MEI4: variants seen among roughly 807,000 people sequenced by gnomAD.
MEI4 encodes meiotic double-stranded break formation protein 4.
In MEI4, 27 loss-of-function variants were observed where a neutral mutation model predicts 31.4. The ratio of observed to expected loss-of-function variants is 0.86; its 90% CI spans 0.63 to 1.19. MEI4 has a LOEUF of 1.19. Ranked by LOEUF, MEI4 falls within the 50% of genes most tolerant of loss-of-function variation. MEI4 has a pLI of 0.00. For missense variants in MEI4, 329 were observed against 398.9 expected, an observed-to-expected ratio of 0.82 and a Z score of 1.49; for synonymous variants, 122 against 145.4, an observed-to-expected ratio of 0.84 and a Z score of 1.16.
In MEI4 at chr6:77,864,992, A is replaced by T. The variant is rs1770979448; in HGVS notation, c.900+35930A>T. Among the ~76,000 whole-genome samples, 5 of 152,240 alleles carry T rather than the reference A, an allele frequency of 3.3e-5. No individual in the cohort carries two copies. In the South Asian group the frequency reaches 1.0e-3, roughly 31 times the overall value. On this transcript the variant is annotated intron_variant, in intron 4 of 4. Coordinates refer to ENST00000684080, the MANE Select transcript of MEI4 (RefSeq NM_001322247.2). ...GCTCCTGAATGACTACTGGGTACAT[A>T]ATGAAATGAAGGCAGAAGTAAATAT...
chr6:77,788,482 T>A (rs1463357611), intron 3 of MEI4, among the ~76,000 whole-genome samples: 54 of 152,178 alleles, frequency 3.5e-4, no homozygotes, highest in Non-Finnish European at 4.3e-4. Context: ...TGCAGATTAC[T>A]TGATTGTATA....
At chr6:77,906,603 G>C (rs997883702) in intron 4 of MEI4, among the ~76,000 whole-genome samples, 4 of 152,218 alleles carry the variant, frequency 2.6e-5, no homozygotes, top group Middle Eastern at 6.8e-3. Context: ...ATCCATTTTG[G>C]CATTGGGTTA....
chr6:77,915,128 C>A (rs148404805), intron 4 of MEI4, among the ~76,000 whole-genome samples: 3 of 151,702 alleles, frequency 2.0e-5, no homozygotes, highest in African/African-American at 7.3e-5. Flanking sequence ...TGTGTCTTTC[C>A]TTCCTTTCCT....
chr6:77,842,815 A>G (rs1770397438), intron 4 of MEI4, among the ~76,000 whole-genome samples: 1 of 152,106 alleles, frequency 6.6e-6, no homozygotes, highest in Admixed American at 6.6e-5. Flanking sequence ...CATAAATACA[A>G]CAAATTAGAT....
At chr6:77,697,655 T>G (rs2127654872) in intron 2 of MEI4, among the ~76,000 whole-genome samples, 1 of 152,264 alleles carries the variant, frequency 6.6e-6, no homozygotes, top group Non-Finnish European at 1.5e-5. Context: ...TTTCTGATCT[T>G]TTACATTTGC....
chr6:77,741,810 C>A (rs1767413004), intron 2 of MEI4, among the ~76,000 whole-genome samples: 1 of 139,924 alleles, frequency 7.1e-6, no homozygotes, highest in Non-Finnish European at 1.5e-5. Flanking sequence ...TGATGTTCCC[C>A]TTCCTGTGTC....
chr6:77,905,892 T>C (rs1299961663), intron 4 of MEI4, among the ~76,000 whole-genome samples: 1 of 151,748 alleles, frequency 6.6e-6, no homozygotes, highest in South Asian at 2.1e-4. Flanking sequence ...TTTCATTTTG[T>C]TCCATAAATT....
At chr6:77,651,014 C>T (rs1449687377), upstream of MEI4, among the ~76,000 whole-genome samples, 1 of 152,116 alleles carries the variant, frequency 6.6e-6, no homozygotes, top group Admixed American at 6.5e-5. Flanking sequence ...GTGGGACAGA[C>T]GTGGTCTTTT....
At chr6:77,826,971 T>C (rs1407250410) in intron 3 of MEI4, among the ~76,000 whole-genome samples, 1 of 152,132 alleles carries the variant, frequency 6.6e-6, no homozygotes, top group Non-Finnish European at 1.5e-5. Flanking sequence ...TAGGTAAACA[T>C]ATAGGTCAAA....
rs562207281 is a variant in MEI4, at chr6:77,902,816, G to T, written c.901-20273G>T. 2.0e-5 allele frequency among the ~76,000 whole-genome samples: 3 copies of T among 152,158 alleles called. No individual in the cohort carries two copies. The South Asian group carries it at 6.2e-4, about 32-fold the overall frequency. On this transcript the variant is annotated intron_variant, in intron 4 of 4. Transcript: ENST00000684080. ...TCAAGTATCACCTTTGCTTCAAGTT[G>T]TCCCGCCTCATCATGCATATGTTGA...
chr6:77,781,453 G>A (rs779181556), intron 3 of MEI4, among the ~76,000 whole-genome samples: 3 of 152,090 alleles, frequency 2.0e-5, no homozygotes, highest in Non-Finnish European at 4.4e-5. Context: ...AACGAACCAT[G>A]TTGGTATTAC....
chr6:77,863,086 A>G (rs1429843112), intron 4 of MEI4, among the ~76,000 whole-genome samples: 1 of 111,078 alleles, frequency 9.0e-6, no homozygotes, highest in African/African-American at 4.8e-5. Context: ...CATCACCATC[A>G]TCAAACACCA....
intron 2 of MEI4, among the ~76,000 whole-genome samples, chr6:77,705,484 G>A (rs1365650580): frequency 6.6e-6 from 1 of 152,164 alleles, no homozygotes; most frequent in Non-Finnish European, 1.5e-5. Context: ...TATATTCTGA[G>A]TCACACTGAA....
chr6:77,889,578 G>T (rs779941476), intron 4 of MEI4, among the ~76,000 whole-genome samples: 8 of 152,154 alleles, frequency 5.3e-5, no homozygotes, highest in African/African-American at 1.7e-4. Flanking sequence ...AGTGGAAAAA[G>T]TAAAAAACAC....
At chr6:77,818,753 G>T (rs1345207535) in intron 3 of MEI4, among the ~76,000 whole-genome samples, 1 of 152,092 alleles carries the variant, frequency 6.6e-6, no homozygotes, top group Non-Finnish European at 1.5e-5. Flanking sequence ...TAGTGACAGG[G>T]TCTTGCTCTG....
chr6:77,835,446 GA>G (rs1770196732), intron 4 of MEI4, among the ~76,000 whole-genome samples: 2 of 139,468 alleles, frequency 1.4e-5, no homozygotes, highest in African/African-American at 2.6e-5. Flanking sequence ...CCCAAAAACA[GA>G]AAAAAAGGAA....
At chr6:77,744,842 A>G (rs867312913) in intron 2 of MEI4, among the ~76,000 whole-genome samples, 11 of 152,354 alleles carry the variant, frequency 7.2e-5, no homozygotes, top group African/African-American at 2.4e-4. Context: ...AGAATTTTCA[A>G]CCCAGAATTT....
At chr6:77,822,520 C>T (rs570163916) in intron 3 of MEI4, among the ~76,000 whole-genome samples, 38 of 151,904 alleles carry the variant, frequency 2.5e-4, no homozygotes, top group African/African-American at 5.3e-4. Flanking sequence ...AATACATTGA[C>T]GTGTTAATTC....
chr6:77,921,570 C>T (rs1179413718), intron 4 of MEI4, among the ~76,000 whole-genome samples: 3 of 151,810 alleles, frequency 2.0e-5, no homozygotes, highest in Non-Finnish European at 2.9e-5. Context: ...TTAACTTTGG[C>T]ACAAGTCCTA....
Sources: gnomAD v4.1 joint callset for allele counts (sites outside exome capture counted in the v4.1 genomes callset) on GRCh38, gnomAD v4.1.1 for gene constraint, MANE v1.5 for transcripts, NCBI Gene and HGNC (gene_info 2026-07-23, HGNC 2026-07-21) for gene names.